AXIN2: variants seen among roughly 807,000 people sequenced by gnomAD.
AXIN2 encodes the protein axin 2, also known as axin-2.
AXIN2 carries 21 observed loss-of-function variants against 74.7 expected under a neutral mutation model. The observed-to-expected ratio is 0.28, with a 90% CI of 0.20 to 0.40. The LOEUF is 0.40. Ranked by LOEUF, AXIN2 falls within the 10% of genes least tolerant of loss-of-function variation. The pLI, the probability that AXIN2 is intolerant of heterozygous loss-of-function variation, is 1.00. For synonymous variants in AXIN2, 532 were observed against 454.9 expected (o/e 1.17, Z -2.16); for missense variants, 1,144 against 1,111.1 (o/e 1.03, Z -0.42).
At chr17:65,552,323 CAT>C (rs2044205323) in intron 2 of AXIN2, among the ~76,000 whole-genome samples, 1 of 152,146 alleles carries the variant, frequency 6.6e-6, no homozygotes, top group Admixed American at 6.5e-5. Flanking sequence ...AGAGGAAATC[CAT>C]AAAGTAGGTG....
rs1299440644 is a variant in AXIN2 at position 65,534,007 on chromosome 17, GA to G, written c.2309del (p.Phe770SerfsTer12). On this transcript the variant is annotated frameshift_variant, in exon 10 of 11. Coordinates refer to ENST00000307078, the MANE Select transcript of AXIN2 (RefSeq NM_004655.4). LOFTEE classifies it high-confidence loss of function. ...TCCGGTATGGAATTTCTTCCCCACAGAAAAAGTAAGTGACAACCAACTCACT... is the reference window on the plus strand; with the variant it reads ...TCCGGTATGGAATTTCTTCCCCACAGAAAAGTAAGTGACAACCAACTCACT... ...QASELVVTYFFCGEEIPYRRM... is the reference protein window; with the variant it reads ...QASELVVTYFXCGEEIPYRRM... The G allele has an allele frequency of 6.2e-7, 1 of 1,614,242 alleles. No individual in the cohort carries two copies. Among genetic ancestry groups the G allele is most frequent in the Non-Finnish European group, 8.5e-7 (1 of 1,180,044 alleles).
Position 65,537,364 on chromosome 17 carries a change from G to A in AXIN2, c.1672C>T (p.His558Tyr), listed in dbSNP as rs2144456373. Residue 558 changes from histidine (H) to tyrosine (Y), a missense_variant, in exon 6 of 11, where the codon CAC becomes TAC. Physicochemically the swap from His to Tyr is moderately conservative, Grantham distance 83. This residue lies in a region of AXIN2 where 1,053 missense variants were observed against 973.5 expected (regional missense o/e 1.08). Transcript: ENST00000307078. Reference sequence around the variant, plus strand: ...GGCATGGTTTCCGGAGCCTTGGAGTGGCTTTTGCATTTCGAGTAGCAGTAA... The same window carrying A: ...GGCATGGTTTCCGGAGCCTTGGAGTAGCTTTTGCATTTCGAGTAGCAGTAA... ...EYYCYSKCKS[H>Y]SKAPETMPSE... is the part of the protein sequence containing the mutation. 1.9e-6 allele frequency: 3 copies of A among 1,614,154 alleles called. No individual in the cohort carries two copies. The highest frequency in any genetic ancestry group is 2.5e-6 in the Non-Finnish European group (3 of 1,180,048).
intron 4 of AXIN2, among the ~76,000 whole-genome samples, chr17:65,539,173 G>C (rs547754206): frequency 1.3e-5 from 2 of 151,830 alleles, no homozygotes; most frequent in Non-Finnish European, 2.9e-5. Context: ...CTGTCATCTC[G>C]CTCCCCCCAC....
intron 1 of AXIN2, chr17:65,560,025 A>G (rs888106015): frequency 2.6e-5 from 4 of 152,154 alleles, no homozygotes; most frequent in African/African-American, 9.6e-5. Flanking sequence ...CCCCGGCCCA[A>G]ATGCAACTGA....
At chr17:65,536,741 A>G in intron 7 of AXIN2, 128 bp downstream of exon 7, 2 of 1,470,476 alleles carry the variant, frequency 1.4e-6, no homozygotes, top group Non-Finnish European at 1.9e-6. Flanking sequence ...CCAACGTTTA[A>G]TATTAAGATG....
chr17:65,546,571 C>G (rs373683659), intron 3 of AXIN2, among the ~76,000 whole-genome samples: 2 of 152,194 alleles, frequency 1.3e-5, no homozygotes, highest in Non-Finnish European at 2.9e-5. Context: ...CTGATGTTTT[C>G]TAGTGAGCCC....
In AXIN2 at chr17:65,537,603, T is replaced by C. The variant is rs1405985775; in HGVS notation, c.1433A>G (p.His478Arg). 6.2e-7 allele frequency: 1 copy of C among 1,601,608 alleles called. No homozygotes were observed. The highest frequency in any genetic ancestry group is 1.3e-5 in the African/African-American group (1 of 74,564). ...DHHHHHHSQY[H>R]SLLPPGGKLP... The stretch of plus-strand genomic sequence containing the variant: ...CTTGCCACCGGGCGGGAGCAGGGAG[T>C]GGTACTGCGAATGGTGGTGGTGGTG... Residue 478 changes from histidine to arginine, a missense_variant, in exon 6 of 11, where the codon CAC (histidine) becomes CGC (arginine). By Grantham distance (29) the His-to-Arg change is conservative. This residue lies in a region of AXIN2 where 1,053 missense variants were observed against 973.5 expected (regional missense o/e 1.08). Transcript: ENST00000307078.
At chr17:65,550,470 T>C (rs536871809) in intron 2 of AXIN2, among the ~76,000 whole-genome samples, 1 of 152,118 alleles carries the variant, frequency 6.6e-6, no homozygotes, top group Non-Finnish European at 1.5e-5. Context: ...GAACAACCAG[T>C]GTGCACATCT....
At chr17:65,535,480 C>T (rs910388282) in intron 9 of AXIN2, 146 bp downstream of exon 9, 22 of 788,514 alleles carry the variant, frequency 2.8e-5, no homozygotes, top group Admixed American at 1.6e-4. Context: ...GCAACATCTA[C>T]GTTTACTGTT....
chr17:65,554,850 C>T (rs2044244641), intron 2 of AXIN2, among the ~76,000 whole-genome samples: 1 of 152,190 alleles, frequency 6.6e-6, no homozygotes, highest in Admixed American at 6.5e-5. Context: ...TTCTCCTCCC[C>T]AAAATAAATG....
chr17:65,530,061 G>A lies in AXIN2; in HGVS notation c.2447C>T (p.Ala816Val), dbSNP rs755508971. 8.1e-6 allele frequency: 13 copies of A among 1,614,056 alleles called. No individual in the cohort carries two copies. The South Asian group carries it at 1.2e-4, about 15-fold the overall frequency. Residue 816 changes from alanine (A) to valine (V), a missense_variant, in exon 11 of 11, where the codon GCG (alanine) becomes GTG (valine). Physicochemically the swap from Ala to Val is moderately conservative, Grantham distance 64 (BLOSUM62 0). Transcript: ENST00000307078. Reference protein sequence around the residue: ...KKASDEFACGAVFEEIWEDET... With the variant: ...KKASDEFACGVVFEEIWEDET... The stretch of plus-strand genomic sequence containing the variant: ...ATCCTCCCAGATCTCCTCAAACACC[G>A]CTCCACAGGCAAACTCATCGCTTGC...
At chr17:65,544,986 A>G (rs1394361184) in intron 3 of AXIN2, among the ~76,000 whole-genome samples, 4 of 152,232 alleles carry the variant, frequency 2.6e-5, no homozygotes, top group Admixed American at 2.6e-4. Context: ...TAGTATTTGA[A>G]GTTCACTCAG....
rs1598096689 is a variant in AXIN2, at chr17:65,536,367, C to T, written c.2094G>A (p.Glu698=). Reference sequence around the variant, plus strand: ...CCTCAGCTAGCCTGCGACAGGCCTCCTCCAGCTGAGCCAGCGTGTTGGGTG... The same window carrying T: ...CCTCAGCTAGCCTGCGACAGGCCTCTTCCAGCTGAGCCAGCGTGTTGGGTG... The part of the protein sequence containing the change: ...LTPPNTLAQL[E]EACRRLAEVS... Residue 698 remains glutamate, a synonymous_variant, in exon 8 of 11, where the codon GAG becomes GAA. Transcript: ENST00000307078. 6.2e-7 allele frequency: 1 copy of T among 1,613,670 alleles called. No individual in the cohort carries two copies. The highest frequency in any genetic ancestry group is 8.5e-7 in the Non-Finnish European group (1 of 1,180,000).
Position 65,529,947 on chromosome 17 carries a change from A to G in AXIN2, c.*29T>C, listed in dbSNP as rs546078214. The G allele has an allele frequency of 6.2e-7, 1 of 1,614,100 alleles. No homozygotes were observed. Among genetic ancestry groups the G allele is most frequent in the South Asian group, 1.1e-5 (1 of 91,082 alleles). On this transcript the variant is annotated 3_prime_UTR_variant, in exon 11 of 11. Coordinates refer to ENST00000307078, the MANE Select transcript of AXIN2 (RefSeq NM_004655.4). ...ACAGTTCACAAGAGCTTCGGGCTCCAACAGTTCACCAAAGCCAGACCCCAG... is the reference window on the plus strand; with the variant it reads ...ACAGTTCACAAGAGCTTCGGGCTCCGACAGTTCACCAAAGCCAGACCCCAG...
intron 3 of AXIN2, among the ~76,000 whole-genome samples, chr17:65,545,899 G>C (rs1284233243): frequency 6.6e-6 from 1 of 152,136 alleles, no homozygotes; most frequent in Non-Finnish European, 1.5e-5. Flanking sequence ...GGCCAGCACT[G>C]CCCCAACTTC....
intron 1 of AXIN2, chr17:65,560,683 C>G (rs1463374599): frequency 6.6e-6 from 1 of 151,828 alleles, no homozygotes; most frequent in African/African-American, 2.4e-5. Flanking sequence ...CCAAGCCCCC[C>G]GGAACGCTGG....
At chr17:65,533,809 CCTG>C in intron 10 of AXIN2, 100 bp downstream of exon 10, 2 of 1,002,272 alleles carry the variant, frequency 2.0e-6, no homozygotes, top group Non-Finnish European at 3.0e-6. Flanking sequence ...CCCCTCCCAC[CCTG>C]CCCCACCTAG....
At chr17:65,557,026 A>C (rs1183290484) in intron 2 of AXIN2, among the ~76,000 whole-genome samples, 1 of 152,198 alleles carries the variant, frequency 6.6e-6, no homozygotes, top group African/African-American at 2.4e-5. Context: ...TTCTGCAAAG[A>C]ACTATTTGTC....
intron 4 of AXIN2, 150 bp downstream of exon 4, chr17:65,541,305 C>T: frequency 2.7e-6 from 2 of 731,936 alleles, no homozygotes; most frequent in Non-Finnish European, 4.9e-6. Flanking sequence ...GCCTATTGTC[C>T]AGTTCTTTTC....
Sources: allele counts gnomAD v4.1 joint callset (sites outside exome capture counted in the v4.1 genomes callset), GRCh38; gene constraint gnomAD v4.1.1; regional missense constraint gnomAD v4.1.1; transcripts MANE v1.5; gene names NCBI Gene and HGNC (gene_info 2026-07-23, HGNC 2026-07-21).